Variants in RAD51B observed in about 807,000 individuals in gnomAD.
RAD51B encodes the protein RAD51 paralog B.
In RAD51B, 38 loss-of-function variants were observed where a neutral mutation model predicts 42.2. The ratio of observed to expected loss-of-function variants is 0.90; its 90% CI spans 0.70 to 1.18. The LOEUF is 1.18. RAD51B is among the 50% of genes most tolerant of loss of function. RAD51B has a pLI of 0.00. For missense variants in RAD51B, 373 were observed against 400.7 expected, an observed-to-expected ratio of 0.93 and a Z score of 0.59; for synonymous variants, 154 against 145.2, an observed-to-expected ratio of 1.06 and a Z score of -0.43.
intron 7 of RAD51B, among the ~76,000 whole-genome samples, chr14:68,225,900 T>C (rs2080027553): frequency 6.6e-6 from 1 of 152,244 alleles, no homozygotes; most frequent in South Asian, 2.1e-4. Flanking sequence ...AGTAGACTAC[T>C]GAGAAATATG....
intron 7 of RAD51B, among the ~76,000 whole-genome samples, chr14:67,988,969 G>A (rs2140287000): frequency 6.6e-6 from 1 of 152,278 alleles, no homozygotes; most frequent in Admixed American, 6.5e-5. Flanking sequence ...TGAATTAACA[G>A]ACATTTAAAA....
intron 7 of RAD51B, among the ~76,000 whole-genome samples, chr14:68,049,929 G>A (rs773262605): frequency 3.3e-4 from 50 of 152,068 alleles, no homozygotes; most frequent in Admixed American, 5.2e-4. Flanking sequence ...TTTTATTTCC[G>A]GCTCCAACGT....
chr14:67,827,209 A>G (rs2040864235), intron 3 of RAD51B, among the ~76,000 whole-genome samples: 1 of 152,200 alleles, frequency 6.6e-6, no homozygotes, highest in Admixed American at 6.5e-5. Flanking sequence ...ATTATTTTGA[A>G]GGTTGTAAAG....
At chr14:68,285,574 G>C (rs570497694) in intron 7 of RAD51B, among the ~76,000 whole-genome samples, 1 of 152,324 alleles carries the variant, frequency 6.6e-6, no homozygotes, top group Admixed American at 6.5e-5. Context: ...TTGAGAGCTA[G>C]AAGTATCAGG....
chr14:68,353,803 T>G (rs56838746), intron 8 of RAD51B, among the ~76,000 whole-genome samples: 14,532 of 152,280 alleles, frequency 0.095, 788 homozygotes, highest in African/African-American at 0.12. Context: ...GTTGCCACTT[T>G]GGGTGAAGGG....
intron 10 of RAD51B, among the ~76,000 whole-genome samples, chr14:68,533,586 G>C (rs1887441802): frequency 6.6e-6 from 1 of 152,254 alleles, no homozygotes; most frequent in Middle Eastern, 3.4e-3. Context: ...GGAGGGATGA[G>C]GGAGTTTCTG....
chr14:68,253,048 A>C (rs925788274), intron 7 of RAD51B, among the ~76,000 whole-genome samples: 6 of 151,158 alleles, frequency 4.0e-5, no homozygotes, highest in Non-Finnish European at 7.4e-5. Flanking sequence ...ATGCCATTGC[A>C]CTCTAGCCTG....
At chr14:68,053,361 A>G (rs1425728266) in intron 7 of RAD51B, among the ~76,000 whole-genome samples, 1 of 152,240 alleles carries the variant, frequency 6.6e-6, no homozygotes, top group Non-Finnish European at 1.5e-5. Context: ...TAAGTTGTCC[A>G]GGTGTCTTTG....
chr14:68,398,694 G>A (rs578220602), intron 8 of RAD51B, among the ~76,000 whole-genome samples: 64 of 152,240 alleles, frequency 4.2e-4, no homozygotes, highest in Middle Eastern at 6.8e-3. Flanking sequence ...GAAGCAGGGT[G>A]GGGGATTAAG....
chr14:68,622,117 A>G (rs962990702), intron 10 of RAD51B, among the ~76,000 whole-genome samples: 10 of 152,152 alleles, frequency 6.6e-5, no homozygotes, highest in African/African-American at 2.4e-4. Flanking sequence ...CCCTGTTACC[A>G]TCCAGCCCCA....
intron 7 of RAD51B, among the ~76,000 whole-genome samples, chr14:67,985,393 T>C (rs1157689863): frequency 6.6e-6 from 1 of 152,196 alleles, no homozygotes; most frequent in Admixed American, 6.5e-5. Context: ...ATGTAACATG[T>C]AGGAAGAGAA....
intron 7 of RAD51B, among the ~76,000 whole-genome samples, chr14:68,047,290 C>T (rs1760121392): frequency 6.6e-6 from 1 of 152,054 alleles, no homozygotes; most frequent in Non-Finnish European, 1.5e-5. Flanking sequence ...ATTGAGGGAG[C>T]CAAGCTGCTA....
chr14:68,018,268 A>C (rs940651656), intron 7 of RAD51B, among the ~76,000 whole-genome samples: 1 of 152,212 alleles, frequency 6.6e-6, no homozygotes, highest in Non-Finnish European at 1.5e-5. Context: ...CTTTTTAATC[A>C]GTAATTGGTT....
intron 7 of RAD51B, among the ~76,000 whole-genome samples, chr14:68,224,000 C>G (rs568745511): frequency 2.0e-5 from 3 of 152,194 alleles, no homozygotes; most frequent in Admixed American, 6.5e-5. Context: ...TTTTGTTGTT[C>G]TTCTTACTGA....
At chr14:68,479,825 C>T (rs1883033846), downstream of RAD51B, among the ~76,000 whole-genome samples, 2 of 151,826 alleles carry the variant, frequency 1.3e-5, no homozygotes, top group East Asian at 3.9e-4. Flanking sequence ...GGCATCACCA[C>T]ACCTGGCTAA....
chr14:67,917,580 A>G (rs2044196723), intron 7 of RAD51B, among the ~76,000 whole-genome samples: 1 of 152,202 alleles, frequency 6.6e-6, no homozygotes, highest in Non-Finnish European at 1.5e-5. Context: ...TTCAAACCAT[A>G]TCACAGATGA....
At chr14:68,261,353 C>T (rs1158229807) in intron 7 of RAD51B, among the ~76,000 whole-genome samples, 3 of 152,158 alleles carry the variant, frequency 2.0e-5, no homozygotes, top group Non-Finnish European at 2.9e-5. Context: ...CAAAGGTTCC[C>T]GGAGCTGTCT....
chr14:67,871,887 G>A (rs1355790632), intron 5 of RAD51B, among the ~76,000 whole-genome samples: 22 of 151,698 alleles, frequency 1.5e-4, no homozygotes, highest in African/African-American at 3.9e-4. Flanking sequence ...AAATTCAACA[G>A]CCCTTCATGC....
chr14:68,588,479 C>T (rs1890591529), intron 10 of RAD51B, among the ~76,000 whole-genome samples: 2 of 152,190 alleles, frequency 1.3e-5, no homozygotes, highest in South Asian at 4.1e-4. Context: ...TTCATTCTAG[C>T]TACCCCCGTG....
Sources: allele counts gnomAD v4.1 joint callset (sites outside exome capture counted in the v4.1 genomes callset), GRCh38; gene constraint gnomAD v4.1.1; transcripts MANE v1.5; gene names NCBI Gene and HGNC (gene_info 2026-07-23, HGNC 2026-07-21).